Variants in DNAJC13 observed in about 807,000 individuals in gnomAD.
DNAJC13 encodes the protein dnaJ homolog subfamily C member 13.
DNAJC13 carries 75 observed loss-of-function variants against 290.5 expected under a neutral mutation model. The observed-to-expected ratio is 0.26, with a 90% CI of 0.21 to 0.31. The LOEUF (loss-of-function observed/expected upper bound fraction) is 0.31. Ranked by LOEUF, DNAJC13 falls within the 10% of genes least tolerant of loss-of-function variation. The pLI, the probability that DNAJC13 is intolerant of heterozygous loss-of-function variation, is 1.00. For missense variants in DNAJC13, 2,260 were observed against 2,674.5 expected (o/e 0.85, Z 3.42); for synonymous variants, 862 against 892.0 (o/e 0.97, Z 0.60).
At chr3:132,507,630 G>T (rs1935637974) in intron 43 of DNAJC13, among the ~76,000 whole-genome samples, 1 of 152,064 alleles carries the variant, frequency 6.6e-6, no homozygotes, top group African/African-American at 2.4e-5. Context: ...ACATTATGGT[G>T]ATCTGTGATC....
intron 11 of DNAJC13, 40 bp from the exon 12 acceptor site, chr3:132,456,623 T>C (rs763938574): frequency 1.9e-6 from 3 of 1,613,158 alleles, no homozygotes; most frequent in East Asian, 2.2e-5. Context: ...TACTAACTTT[T>C]GGTATGGAAA....
chr3:132,461,011 T>C, intron 14 of DNAJC13, 39 bp from the exon 15 acceptor site: 1 of 1,589,158 alleles, frequency 6.3e-7, no homozygotes, highest in Non-Finnish European at 8.6e-7. Flanking sequence ...AAGGTCCCCA[T>C]CTCTTAAGTC....
chr3:132,440,769 T>C (rs11915405), intron 2 of DNAJC13, among the ~76,000 whole-genome samples: 34,159 of 152,154 alleles, frequency 0.22, 4,502 homozygotes, highest in African/African-American at 0.37. Flanking sequence ...TTCTCAGAAT[T>C]GATTCCCATT....
At chr3:132,514,248 T>C (rs1935857005) in intron 45 of DNAJC13, among the ~76,000 whole-genome samples, 2 of 152,130 alleles carry the variant, frequency 1.3e-5, no homozygotes. Context: ...GCTTTTTTCC[T>C]CTAAAAGTAA....
At chr3:132,481,218 A>G (rs565966485) in intron 26 of DNAJC13, among the ~76,000 whole-genome samples, 1 of 152,320 alleles carries the variant, frequency 6.6e-6, no homozygotes, top group South Asian at 2.1e-4. Flanking sequence ...ACCTCTCTAT[A>G]TGAGTCTAAC....
At chr3:132,514,500 T>C in intron 45 of DNAJC13, 71 bp from the exon 46 acceptor site, 1 of 1,075,894 alleles carries the variant, frequency 9.3e-7, no homozygotes, top group South Asian at 1.4e-5. Context: ...TTGTACAGTC[T>C]ATATGACCTA....
At chr3:132,447,525 A>T (rs1933289335) in intron 4 of DNAJC13, 55 bp downstream of exon 4, 1 of 1,445,724 alleles carries the variant, frequency 6.9e-7, no homozygotes, top group Admixed American at 2.8e-5. Flanking sequence ...TTTAAAATGA[A>T]GTAGTTACAT....
chr3:132,532,548 TCCC>T (rs1478159150), intron 55 of DNAJC13, among the ~76,000 whole-genome samples: 1 of 152,176 alleles, frequency 6.6e-6, no homozygotes, highest in Non-Finnish European at 1.5e-5. Context: ...TCTCAGTCTG[TCCC>T]ATATCTCTCT....
chr3:132,453,446 A>G lies in DNAJC13; in HGVS notation c.686A>G (p.Asp229Gly). ...CTTCGCTTTGGAAAATACAGCACTG[A>G]TGAATCCATCACATCTTTAGCAGAG... ...LNLRFGKYST[D>G]ESITSLAEFV... Residue 229 changes from aspartate to glycine, a missense_variant, in exon 7 of 56, where the codon GAT becomes GGT. Around this residue, in one of 3 missense-constraint regions of DNAJC13, gnomAD observed 762 missense variants for 964.1 expected, o/e 0.79. Coordinates refer to ENST00000260818, the MANE Select transcript of DNAJC13 (RefSeq NM_015268.4). 6.2e-7 allele frequency: 1 copy of G among 1,613,882 alleles called. No homozygotes were observed. The highest frequency in any genetic ancestry group is 2.2e-5 in the East Asian group (1 of 44,818).
intron 2 of DNAJC13, among the ~76,000 whole-genome samples, chr3:132,443,756 T>C (rs1933150766): frequency 2.0e-5 from 3 of 152,054 alleles, no homozygotes; most frequent in Admixed American, 6.6e-5. Context: ...GGGAGTTCTC[T>C]TAGGAATTTT....
At chr3:132,486,677 T>C (rs1362349675) in intron 29 of DNAJC13, among the ~76,000 whole-genome samples, 1 of 152,206 alleles carries the variant, frequency 6.6e-6, no homozygotes, top group Non-Finnish European at 1.5e-5. Flanking sequence ...ACCTGAATCA[T>C]GCCAAAGCAC....
In DNAJC13 at chr3:132,490,893, G is replaced by C; in HGVS notation, c.3469-4G>C. The C allele has an allele frequency of 6.4e-7, 1 of 1,562,056 alleles. No homozygotes were observed. Among genetic ancestry groups the C allele is most frequent in the Non-Finnish European group, 8.6e-7 (1 of 1,158,986 alleles). ...ACTACCTTTTGTTTTGTTTTGTTTTGAAGACAAAAGGACAAGATATTTTTC... is the reference window on the plus strand; with the variant it reads ...ACTACCTTTTGTTTTGTTTTGTTTTCAAGACAAAAGGACAAGATATTTTTC... On this transcript the variant is annotated splice_polypyrimidine_tract_variant and splice_region_variant and intron_variant, in intron 31 of 55. Coordinates refer to ENST00000260818, the MANE Select transcript of DNAJC13 (RefSeq NM_015268.4).
rs770277090 is a variant in DNAJC13 at position 132,455,127 on chromosome 3, A to G, written c.932+970A>G. Among the ~76,000 whole-genome samples the G allele has an allele frequency of 3.2e-4, 49 of 152,168 alleles. 1 individual carries two copies. Among genetic ancestry groups the G allele is most frequent in the Non-Finnish European group, 6.3e-4 (43 of 68,014 alleles). On this transcript the variant is annotated intron_variant, in intron 9 of 55. Transcript: ENST00000260818. Reference sequence around the variant, plus strand: ...ATCTTTGCAAAGCATATAGCTAATAAAGGTTTTCTATCCAGAATATATACA... The same window carrying G: ...ATCTTTGCAAAGCATATAGCTAATAGAGGTTTTCTATCCAGAATATATACA...
intron 1 of DNAJC13, among the ~76,000 whole-genome samples, chr3:132,419,766 C>T (rs1938902227): frequency 6.6e-6 from 1 of 152,144 alleles, no homozygotes; most frequent in South Asian, 2.1e-4. Context: ...CCTAAATGTT[C>T]ACTGTAAAAC....
chr3:132,532,912 A>AATTAATTATT (rs1936460671), intron 55 of DNAJC13, among the ~76,000 whole-genome samples: 1 of 141,828 alleles, frequency 7.1e-6, no homozygotes, highest in South Asian at 2.3e-4. Flanking sequence ...TAATTTTTGT[A>AATTAATTATT]ATTATTATTA....
At chr3:132,522,626 G>A (rs1198883710) in intron 48 of DNAJC13, among the ~76,000 whole-genome samples, 1 of 152,164 alleles carries the variant, frequency 6.6e-6, no homozygotes, top group Non-Finnish European at 1.5e-5. Flanking sequence ...AGTAGGTTCA[G>A]GTCGTACTGA....
chr3:132,511,305 A>G (rs985326116), intron 44 of DNAJC13, 61 bp downstream of exon 44: 80 of 1,557,122 alleles, frequency 5.1e-5, no homozygotes, highest in Middle Eastern at 3.4e-4. Flanking sequence ...AAAAATTCCA[A>G]TAATCAATTT....
At position 132,522,743 on chromosome 3, in the gene DNAJC13, TA is replaced by T. The variant is rs3217657; in HGVS notation, c.5674-84del. 575 of 1,103,028 alleles carry T rather than the reference TA, an allele frequency of 5.2e-4. 3 individuals carry two copies. The East Asian group carries it at 0.013, about 25-fold the overall frequency. The allele number at this position is 1,103,028 out of a possible 1,614,324, so 68.3% of individuals were successfully genotyped here. ...TAAGTCATAACACAAATTATGTTGA[TA>T]TTCTATCTTATTAGCAAAATACAAA... On this transcript the variant is annotated intron_variant, in intron 48 of 55. Coordinates refer to ENST00000260818, the MANE Select transcript of DNAJC13 (RefSeq NM_015268.4).
In DNAJC13 at chr3:132,450,667, T is replaced by C; in HGVS notation, c.357T>C (p.His119=). The change falls in exon 6 of 56, where the codon CAT becomes CAC. Residue 119 remains histidine (H), a synonymous_variant. Transcript: ENST00000260818. ...TTTAGAGATACAACTGCTATAAGCA[T>C]CACTGGAGTGACTCAAGAAAACCTG... ...ITGRRYNCYK[H]HWSDSRKPVI... is the part of the protein sequence containing the mutation. 1 of 1,612,698 alleles carries C rather than the reference T, an allele frequency of 6.2e-7. No individual in the cohort carries two copies. Among genetic ancestry groups the C allele is most frequent in the East Asian group, 2.2e-5 (1 of 44,766 alleles).
Sources: gnomAD v4.1 joint callset for allele counts (sites outside exome capture counted in the v4.1 genomes callset) on GRCh38, gnomAD v4.1.1 for gene constraint, gnomAD v4.1.1 regional missense constraint, MANE v1.5 for transcripts, NCBI Gene and HGNC (gene_info 2026-07-23, HGNC 2026-07-21) for gene names.